Variants in PDE1A observed in about 807,000 individuals in gnomAD.
PDE1A encodes the protein phosphodiesterase 1A, also known as dual specificity calcium/calmodulin-dependent 3',5'-cyclic nucleotide phosphodiesterase 1A.
A neutral mutation model predicts 61.7 loss-of-function variants in PDE1A; 35 were observed. The ratio of observed to expected loss-of-function variants is 0.57; its 90% CI spans 0.43 to 0.75. The LOEUF is 0.75. PDE1A is among the 30% of genes least tolerant of loss of function. PDE1A has a pLI of 0.00. For synonymous variants in PDE1A, 232 were observed against 213.2 expected, an observed-to-expected ratio of 1.09 and a Z score of -0.77; for missense variants, 597 against 630.6, an observed-to-expected ratio of 0.95 and a Z score of 0.57.
chr2:182,243,445 C>T (rs528734135), intron 2 of PDE1A, among the ~76,000 whole-genome samples: 5 of 151,934 alleles, frequency 3.3e-5, no homozygotes, highest in South Asian at 2.1e-4. Context: ...TACAAAGGCC[C>T]GAGGCATGAT....
rs1689649162 is a variant in PDE1A at position 182,509,472 on chromosome 2, TTTATACTGAGCC to T, written c.101+12792_101+12803del. Among the ~76,000 whole-genome samples, 6 of 152,328 alleles carry T rather than the reference TTTATACTGAGCC, an allele frequency of 3.9e-5. No homozygotes were observed. In the South Asian group the frequency reaches 1.2e-3, roughly 32 times the overall value. On this transcript the variant is annotated intron_variant, in intron 2 of 14. Coordinates refer to the PDE1A transcript ENST00000410103. ...GCTTTTAATTCCTGAAATGTCAGGTTTTATACTGAGCCTTGCGTATTAAGTAGAATTATCTAA... is the reference window on the plus strand; with the variant it reads ...GCTTTTAATTCCTGAAATGTCAGGTTTTGCGTATTAAGTAGAATTATCTAA...
intron 2 of PDE1A, among the ~76,000 whole-genome samples, chr2:182,435,666 CA>C (rs1684351032): frequency 6.6e-6 from 1 of 152,182 alleles, no homozygotes; most frequent in Non-Finnish European, 1.5e-5. Context: ...ATTCTTCAGT[CA>C]GTGGAAAGCT....
the PDE1A span, among the ~76,000 whole-genome samples, chr2:182,642,259 G>A: frequency 7.8e-4 from 119 of 152,290 alleles, no homozygotes; most frequent in African/African-American, 2.8e-3. Flanking sequence ...TCAGCATCAA[G>A]TGACAGAAAA....
chr2:182,419,981 C>T (rs1239681509), intron 1 of PDE1A, among the ~76,000 whole-genome samples: 1 of 151,166 alleles, frequency 6.6e-6, no homozygotes, highest in East Asian at 1.9e-4. Context: ...GGAGCTGATA[C>T]CCTTACTTAA....
At chr2:182,195,388 G>C (rs1420610791) in intron 10 of PDE1A, among the ~76,000 whole-genome samples, 1 of 152,060 alleles carries the variant, frequency 6.6e-6, no homozygotes, top group East Asian at 1.9e-4. Flanking sequence ...ATAGAGACAG[G>C]AAGGGGAAGA....
the PDE1A span, among the ~76,000 whole-genome samples, chr2:182,674,222 A>C: frequency 1.3e-5 from 2 of 151,894 alleles, no homozygotes; most frequent in South Asian, 4.2e-4. Context: ...ACACTAAACC[A>C]CTATGTGACC....
intron 1 of PDE1A, among the ~76,000 whole-genome samples, chr2:182,343,089 A>T (rs1698302262): frequency 6.6e-6 from 1 of 152,244 alleles, no homozygotes; most frequent in Admixed American, 6.5e-5. Context: ...CTTATATACA[A>T]ATAGGCCCAT....
At chr2:182,644,001 T>G in the PDE1A span, among the ~76,000 whole-genome samples, 1 of 152,042 alleles carries the variant, frequency 6.6e-6, no homozygotes, top group Non-Finnish European at 1.5e-5. Flanking sequence ...GATTAATCTC[T>G]TGTAAGTTTT....
intron 1 of PDE1A, among the ~76,000 whole-genome samples, chr2:182,402,718 A>G (rs1057046380): frequency 6.6e-6 from 1 of 152,258 alleles, no homozygotes; most frequent in African/African-American, 2.4e-5. Flanking sequence ...AGCAAAAGAA[A>G]CTATCATCAG....
chr2:182,389,659 C>A (rs1040821580), intron 1 of PDE1A, among the ~76,000 whole-genome samples: 1 of 152,180 alleles, frequency 6.6e-6, no homozygotes, highest in Non-Finnish European at 1.5e-5. Flanking sequence ...ATAGTGTCAA[C>A]TTCATTGGAT....
At chr2:182,501,971 G>A (rs561507008) in intron 2 of PDE1A, among the ~76,000 whole-genome samples, 52 of 152,176 alleles carry the variant, frequency 3.4e-4, no homozygotes, top group African/African-American at 1.2e-3. Flanking sequence ...TGAACTGAAC[G>A]TAACAGGAAA....
the PDE1A span, among the ~76,000 whole-genome samples, chr2:182,706,696 A>C: frequency 6.6e-6 from 1 of 152,140 alleles, no homozygotes; most frequent in Non-Finnish European, 1.5e-5. Flanking sequence ...TGCAAAAAAC[A>C]AATCATGGTT....
At chr2:182,579,563 C>T in the PDE1A span, among the ~76,000 whole-genome samples, 1 of 152,280 alleles carries the variant, frequency 6.6e-6, no homozygotes, top group East Asian at 1.9e-4. Context: ...CCCCAAGTGG[C>T]ATGGTCTGCA....
intron 10 of PDE1A, among the ~76,000 whole-genome samples, chr2:182,199,935 A>G (rs1352065515): frequency 6.6e-6 from 1 of 152,138 alleles, no homozygotes; most frequent in Non-Finnish European, 1.5e-5. Flanking sequence ...CAGAACAGGT[A>G]TAAAATTAAT....
intron 2 of PDE1A, among the ~76,000 whole-genome samples, chr2:182,253,133 A>G (rs1194514806): frequency 6.6e-6 from 1 of 152,160 alleles, no homozygotes; most frequent in East Asian, 1.9e-4. Context: ...GAAATCAAAC[A>G]TTTGCATTAG....
chr2:182,527,830 T>G (rs1299309310), upstream of PDE1A, among the ~76,000 whole-genome samples: 1 of 151,956 alleles, frequency 6.6e-6, no homozygotes, highest in Non-Finnish European at 1.5e-5. Flanking sequence ...AGTGAATAAG[T>G]CTCATGAGAT....
the PDE1A span, among the ~76,000 whole-genome samples, chr2:182,678,493 G>A: frequency 1.3e-5 from 2 of 152,026 alleles, no homozygotes; most frequent in Non-Finnish European, 2.9e-5. Flanking sequence ...TGTCCTAATT[G>A]CTTTCCATTG....
At chr2:182,206,730 G>A (rs7606819) in intron 7 of PDE1A, among the ~76,000 whole-genome samples, 26,134 of 152,150 alleles carry the variant, frequency 0.17, 2,464 homozygotes, top group East Asian at 0.31. Context: ...TGTTAGGGGA[G>A]GGACCTGGTG....
chr2:182,619,461 G>A, the PDE1A span, among the ~76,000 whole-genome samples: 2 of 152,066 alleles, frequency 1.3e-5, no homozygotes, highest in African/African-American at 4.8e-5. Context: ...AGAGTAACAT[G>A]AGCAAACCAT....
Sources: allele counts gnomAD v4.1 joint callset (sites outside exome capture counted in the v4.1 genomes callset), GRCh38; gene constraint gnomAD v4.1.1; transcripts MANE v1.5; gene names NCBI Gene and HGNC (gene_info 2026-07-23, HGNC 2026-07-21).